Variants in SIPA1L1 observed in about 807,000 individuals in gnomAD.
SIPA1L1 encodes signal-induced proliferation-associated 1-like protein 1.
A neutral mutation model predicts 162.7 loss-of-function variants in SIPA1L1; 26 were observed. That is an observed-to-expected ratio of 0.16 (90% CI 0.12 to 0.22). SIPA1L1 has a LOEUF of 0.22. SIPA1L1 is among the 10% of genes least tolerant of loss of function. SIPA1L1 has a pLI of 1.00. For missense variants in SIPA1L1, 1,874 were observed against 2,241.0 expected (o/e 0.84, Z 3.31); for synonymous variants, 829 against 837.4 (o/e 0.99, Z 0.17).
At chr14:71,599,886 T>G (rs895008240) in intron 5 of SIPA1L1, among the ~76,000 whole-genome samples, 10 of 152,234 alleles carry the variant, frequency 6.6e-5, no homozygotes, top group African/African-American at 2.4e-4. Flanking sequence ...GAGCATTTTT[T>G]TTTATATACC....
At chr14:71,580,506 TGAG>T (rs746726880) in intron 4 of SIPA1L1, among the ~76,000 whole-genome samples, 10 of 152,212 alleles carry the variant, frequency 6.6e-5, no homozygotes, top group Non-Finnish European at 1.2e-4. Flanking sequence ...CATCTGTAAA[TGAG>T]GAGATATAAG....
intron 2 of SIPA1L1, among the ~76,000 whole-genome samples, chr14:71,452,721 C>A (rs1237198960): frequency 1.3e-5 from 2 of 152,204 alleles, no homozygotes; most frequent in Non-Finnish European, 2.9e-5. Flanking sequence ...TTGATTTTAG[C>A]CATTCTGGTG....
chr14:71,637,672 C>A (rs1391403533), intron 7 of SIPA1L1, among the ~76,000 whole-genome samples: 1 of 151,718 alleles, frequency 6.6e-6, no homozygotes, highest in South Asian at 2.1e-4. Context: ...TTCAGTGAAC[C>A]ATGGTCAAGC....
intron 7 of SIPA1L1, among the ~76,000 whole-genome samples, chr14:71,643,123 C>A (rs751596286): frequency 2.6e-5 from 4 of 152,096 alleles, no homozygotes; most frequent in Non-Finnish European, 5.9e-5. Flanking sequence ...TGCAAGCAGA[C>A]CCAAGAAACT....
intron 6 of SIPA1L1, among the ~76,000 whole-genome samples, chr14:71,620,759 CTT>C (rs2039347622): frequency 6.6e-6 from 1 of 152,182 alleles, no homozygotes. Flanking sequence ...CACACCAACT[CTT>C]ACCTTTCCCA....
intron 2 of SIPA1L1, among the ~76,000 whole-genome samples, chr14:71,341,965 G>A (rs561681259): frequency 5.3e-5 from 8 of 152,128 alleles, no homozygotes; most frequent in Admixed American, 2.0e-4. Flanking sequence ...TGTGAGGAAC[G>A]TGTGAGTGTA....
At chr14:71,622,620 A>C (rs1157454428) in intron 6 of SIPA1L1, among the ~76,000 whole-genome samples, 6 of 152,196 alleles carry the variant, frequency 3.9e-5, no homozygotes, top group Admixed American at 3.9e-4. Flanking sequence ...AATAAAAACT[A>C]TTTGTGTCAA....
At chr14:71,354,271 T>TC (rs1268914259) in intron 2 of SIPA1L1, among the ~76,000 whole-genome samples, 1 of 151,666 alleles carries the variant, frequency 6.6e-6, no homozygotes, top group African/African-American at 2.4e-5. Context: ...TAGAGATACT[T>TC]CATTTGTTTC....
chr14:71,688,655 CATCT>C (rs2149613560), intron 13 of SIPA1L1, among the ~76,000 whole-genome samples: 1 of 152,264 alleles, frequency 6.6e-6, no homozygotes, highest in African/African-American at 2.4e-5. Flanking sequence ...ACCCCTCATC[CATCT>C]GACTCTCCCC....
chr14:71,593,292 A>G (rs566388044), intron 5 of SIPA1L1, among the ~76,000 whole-genome samples: 1 of 152,000 alleles, frequency 6.6e-6, no homozygotes, highest in Admixed American at 6.6e-5. Flanking sequence ...GCTCACTGCA[A>G]TCTTTGCCTC....
intron 2 of SIPA1L1, among the ~76,000 whole-genome samples, chr14:71,476,914 G>C (rs1047694587): frequency 6.6e-6 from 1 of 151,798 alleles, no homozygotes; most frequent in African/African-American, 2.4e-5. Context: ...ATCTAAACAC[G>C]TATAGACTTG....
In SIPA1L1 at chr14:71,548,925, C is replaced by T. The variant is rs1460434404; in HGVS notation, c.-303+19555C>T. 1.3e-5 allele frequency among the ~76,000 whole-genome samples: 2 copies of T among 149,770 alleles called. 1 individual carries two copies. The highest frequency in any genetic ancestry group is 4.2e-4 in the South Asian group (2 of 4,740). ...AAAAAAAGTGAAATGAAAAGGCATGCTTATATAGTGAGATATAGCTTAAAG... is the reference window on the plus strand; with the variant it reads ...AAAAAAAGTGAAATGAAAAGGCATGTTTATATAGTGAGATATAGCTTAAAG... On this transcript the variant is annotated intron_variant, in intron 4 of 23. Transcript: ENST00000381232.
intron 2 of SIPA1L1, among the ~76,000 whole-genome samples, chr14:71,349,698 C>G (rs555353065): frequency 6.6e-6 from 1 of 152,276 alleles, no homozygotes; most frequent in East Asian, 1.9e-4. Context: ...AAAACATTCA[C>G]TGGGTTTCTA....
At chr14:71,677,232 GA>G (rs1279052088) in intron 12 of SIPA1L1, among the ~76,000 whole-genome samples, 1 of 152,214 alleles carries the variant, frequency 6.6e-6, no homozygotes, top group African/African-American at 2.4e-5. Flanking sequence ...CAGTGATGAT[GA>G]GCATTTTTTC....
At chr14:71,700,740 A>G (rs1270086529) in intron 14 of SIPA1L1, among the ~76,000 whole-genome samples, 1 of 152,120 alleles carries the variant, frequency 6.6e-6, no homozygotes, top group Non-Finnish European at 1.5e-5. Context: ...GTCGCCTGTA[A>G]TCCCAGCACT....
chr14:71,455,814 T>C, intron 2 of SIPA1L1, among the ~76,000 whole-genome samples: 1 of 152,188 alleles, frequency 6.6e-6, no homozygotes, highest in South Asian at 2.1e-4. Flanking sequence ...TATGTTAAAT[T>C]GTTCCTTCTT....
chr14:71,386,957 G>T (rs573936023), intron 2 of SIPA1L1, among the ~76,000 whole-genome samples: 52 of 152,118 alleles, frequency 3.4e-4, no homozygotes, highest in Admixed American at 1.0e-3. Flanking sequence ...GATATTAAAA[G>T]AAAGACTGTG....
chr14:71,571,808 AT>A lies in SIPA1L1; in HGVS notation c.-302-15746del, dbSNP rs529764911. Among the ~76,000 whole-genome samples, 978 of 127,982 alleles carry A rather than the reference AT, an allele frequency of 7.6e-3. 3 individuals are homozygous for A. The highest frequency in any genetic ancestry group is 0.016 in the Middle Eastern group (4 of 248). The allele number at this position is 127,982 out of a possible 152,430, so 84.0% of individuals were successfully genotyped here. A position where few individuals can be genotyped will look rare whatever the true frequency, so the allele number is the denominator to read the frequency against. On this transcript the variant is annotated intron_variant, in intron 4 of 23. Coordinates refer to ENST00000381232, the MANE Select transcript of SIPA1L1 (RefSeq NM_001386936.1). ...AGGCGCCTGCCACCATGCCTGGCTC[AT>A]TTTTTTTTTTTTTTTTGTATTTTTA...
In SIPA1L1 at chr14:71,479,375, G is replaced by GTATGTA. The variant is rs1266385412; in HGVS notation, c.-464-33367_-464-33366insATGTAT. Among the ~76,000 whole-genome samples the GTATGTA allele has an allele frequency of 7.5e-4, 55 of 72,988 alleles. No individual in the cohort carries two copies. In the South Asian group the frequency reaches 9.7e-3, roughly 13 times the overall value. The allele number at this position is 72,988 out of a possible 152,430, so 47.9% of individuals were successfully genotyped here. The stretch of plus-strand genomic sequence containing the variant: ...TATGTATGTATGTATGTATGTATGT[G>GTATGTA]TGTATATATGTATGTATTCATTCAT... On this transcript the variant is annotated intron_variant, in intron 2 of 23. Transcript: ENST00000381232.
Sources: allele counts gnomAD v4.1 joint callset (sites outside exome capture counted in the v4.1 genomes callset), GRCh38; gene constraint gnomAD v4.1.1; transcripts MANE v1.5; gene names NCBI Gene and HGNC (gene_info 2026-07-23, HGNC 2026-07-21).